Variants in HEPHL1 observed in about 807,000 individuals in gnomAD.
The protein encoded by HEPHL1 is hephaestin like 1.
Under a neutral mutation model 122.0 loss-of-function variants are expected in HEPHL1, and 123 were observed. That is an observed-to-expected ratio of 1.01 (90% CI 0.87 to 1.17). HEPHL1 has a LOEUF of 1.17. HEPHL1 is among the 50% of genes most tolerant of loss of function. HEPHL1 has a pLI of 0.00. For missense variants in HEPHL1, 1,452 were observed against 1,430.5 expected, an observed-to-expected ratio of 1.01 and a Z score of -0.24; for synonymous variants, 527 against 508.9, an observed-to-expected ratio of 1.04 and a Z score of -0.48.
At chr11:94,106,527 C>T (rs555293141) in intron 17 of HEPHL1, among the ~76,000 whole-genome samples, 61 of 152,020 alleles carry the variant, frequency 4.0e-4, no homozygotes, top group African/African-American at 1.4e-3. Flanking sequence ...AATCTCCTGA[C>T]CTCGTGATCT....
chr11:94,099,379 A>C (rs1387871113), intron 13 of HEPHL1, among the ~76,000 whole-genome samples: 1 of 152,172 alleles, frequency 6.6e-6, no homozygotes, highest in Non-Finnish European at 1.5e-5. Flanking sequence ...TGGAAGCTTC[A>C]TCTCAGAGGG....
In HEPHL1 at chr11:94,021,513, A is replaced by G. The variant is rs186547707; in HGVS notation, c.145A>G (p.Thr49Ala). The G allele has an allele frequency of 2.3e-4, 370 of 1,610,392 alleles. 3 individuals are homozygous for G. The African/African-American group carries it at 4.6e-3, about 20-fold the overall frequency. The part of the protein sequence containing the change: ...NYVPQGKNVI[T>A]GKSFTEDKLA... ...TGTACCCCAAGGGAAGAATGTTATT[A>G]CTGGGAAAAGTTTCACAGAAGACAA... Residue 49 changes from threonine (T) to alanine (A), a missense_variant, in exon 1 of 20, where the codon ACT (threonine) becomes GCT (alanine). Thr to Ala is a moderately conservative substitution (Grantham distance 58). Transcript: ENST00000315765.
chr11:94,067,846 C>A (rs10765650), intron 5 of HEPHL1, 96 bp downstream of exon 5: 1 of 1,024,272 alleles, frequency 9.8e-7, no homozygotes, highest in East Asian at 2.6e-5. Context: ...TTAGATAGAG[C>A]CTTGTATGTA....
chr11:94,046,201 TCTC>T (rs1219156137), intron 2 of HEPHL1, among the ~76,000 whole-genome samples: 1 of 146,476 alleles, frequency 6.8e-6, no homozygotes, highest in Non-Finnish European at 1.5e-5. Flanking sequence ...TTCAGGATAT[TCTC>T]CTGCCTCAGC....
intron 1 of HEPHL1, among the ~76,000 whole-genome samples, chr11:94,022,065 C>T (rs1945586403): frequency 6.6e-6 from 1 of 152,164 alleles, no homozygotes; most frequent in African/African-American, 2.4e-5. Flanking sequence ...TTAGAATTAG[C>T]GCTTTCACTG....
At position 94,075,063 on chromosome 11, in the gene HEPHL1, G is replaced by A; in HGVS notation, c.1505-111G>A. The stretch of plus-strand genomic sequence containing the variant: ...TACATAAGAGAAAACCACTCTCCTG[G>A]TACAAAATTCTTCATCATCAGAGGG... On this transcript the variant is annotated intron_variant, in intron 8 of 19. Coordinates refer to ENST00000315765, the MANE Select transcript of HEPHL1 (RefSeq NM_001098672.2). 3 of 833,958 alleles carry A rather than the reference G, an allele frequency of 3.6e-6. No homozygotes were observed. In the South Asian group the frequency reaches 4.9e-5, roughly 14 times the overall value. The allele number at this position is 833,958 out of a possible 1,614,324, so 51.7% of individuals were successfully genotyped here.
At chr11:94,102,024 G>A (rs1376009146) in intron 14 of HEPHL1, among the ~76,000 whole-genome samples, 1 of 152,072 alleles carries the variant, frequency 6.6e-6, no homozygotes, top group East Asian at 1.9e-4. Flanking sequence ...AGTAATTATT[G>A]TCAATCTCTT....
At chr11:94,028,257 T>A (rs910201337) in intron 1 of HEPHL1, among the ~76,000 whole-genome samples, 4 of 152,186 alleles carry the variant, frequency 2.6e-5, no homozygotes, top group African/African-American at 4.8e-5. Flanking sequence ...GATTAATACA[T>A]CTTGGCCCCA....
intron 8 of HEPHL1, among the ~76,000 whole-genome samples, chr11:94,073,934 T>C (rs1336650063): frequency 6.6e-6 from 1 of 152,158 alleles, no homozygotes; most frequent in Non-Finnish European, 1.5e-5. Flanking sequence ...TATCATCTGA[T>C]ATGGCCTCTC....
At chr11:94,070,262 AT>A in intron 5 of HEPHL1, 111 bp from the exon 6 acceptor site, 2 of 1,062,864 alleles carry the variant, frequency 1.9e-6, no homozygotes, top group Non-Finnish European at 2.5e-6. Context: ...TTATGGTCCA[AT>A]TTTCTGTACA....
At chr11:94,034,024 G>T (rs1945700169) in intron 1 of HEPHL1, among the ~76,000 whole-genome samples, 1 of 152,208 alleles carries the variant, frequency 6.6e-6, no homozygotes, top group Non-Finnish European at 1.5e-5. Flanking sequence ...ATGTGCTGAA[G>T]TCTTAAAATG....
chr11:94,084,993 T>C (rs953644079), intron 10 of HEPHL1, among the ~76,000 whole-genome samples: 1 of 152,188 alleles, frequency 6.6e-6, no homozygotes, highest in Non-Finnish European at 1.5e-5. Context: ...CAAAAAGTAA[T>C]TTTATTTGAC....
intron 9 of HEPHL1, 123 bp downstream of exon 9, chr11:94,075,508 G>T: frequency 1.5e-6 from 1 of 672,578 alleles, no homozygotes; most frequent in Non-Finnish European, 2.6e-6. Context: ...TCTTGAAGTA[G>T]ATTTCTACAT....
Position 94,110,909 on chromosome 11 carries a change from A to G in HEPHL1, c.3052A>G (p.Lys1018Glu). The G allele has an allele frequency of 3.7e-6, 6 of 1,611,632 alleles. No individual in the cohort carries two copies. The Middle Eastern group carries it at 5.0e-4, about 133-fold the overall frequency. ...HAESFLFKID[K>E]SYREDVYDLF... ...TTTTAAAACGTTTTTGCAGATAGATAAATCTTACCGAGAAGATGTGTATGA... is the reference window on the plus strand; with the variant it reads ...TTTTAAAACGTTTTTGCAGATAGATGAATCTTACCGAGAAGATGTGTATGA... The change falls in exon 18 of 20, where the codon AAA becomes GAA. Residue 1018 changes from lysine (K) to glutamate (E), a missense_variant. Lys to Glu is a moderately conservative substitution (Grantham distance 56). Coordinates refer to ENST00000315765, the MANE Select transcript of HEPHL1 (RefSeq NM_001098672.2).
chr11:94,074,584 G>A (rs1946104725), intron 8 of HEPHL1, among the ~76,000 whole-genome samples: 1 of 152,090 alleles, frequency 6.6e-6, no homozygotes, highest in Admixed American at 6.6e-5. Flanking sequence ...GCCTTGTCTA[G>A]TAGGAAAGAA....
rs759381621 is a variant in HEPHL1, at chr11:94,112,095, G to A, written c.*201G>A. The A allele has an allele frequency of 2.5e-6, 1 of 401,396 alleles. No homozygotes were observed. The highest frequency in any genetic ancestry group is 4.1e-5 in the Admixed American group (1 of 24,354). 24.9% of individuals were successfully genotyped at this position (401,396 alleles called of 1,614,324 possible). Reference sequence around the variant, plus strand: ...TTAAATGGGCTGCGAATAATCCTCAGGTATAAAACACAGAAAAAGGAGAAT... The same window carrying A: ...TTAAATGGGCTGCGAATAATCCTCAAGTATAAAACACAGAAAAAGGAGAAT... On this transcript the variant is annotated 3_prime_UTR_variant, in exon 20 of 20. Coordinates refer to ENST00000315765, the MANE Select transcript of HEPHL1 (RefSeq NM_001098672.2).
Position 94,070,475 on chromosome 11 carries a change from A to G in HEPHL1, c.1165A>G (p.Ile389Val). 1.2e-6 allele frequency: 2 copies of G among 1,610,906 alleles called. No homozygotes were observed. The highest frequency in any genetic ancestry group is 1.7e-6 in the Non-Finnish European group (2 of 1,178,450). Reference protein sequence around the residue: ...QRRYFIAAEKILWDYAPQGYN... With the variant: ...QRRYFIAAEKVLWDYAPQGYN... ...GCGCTACTTTATAGCAGCTGAAAAAATTCTTTGGGATTATGCTCCTCAAGG... is the reference window on the plus strand; with the variant it reads ...GCGCTACTTTATAGCAGCTGAAAAAGTTCTTTGGGATTATGCTCCTCAAGG... Residue 389 changes from isoleucine (I) to valine (V), a missense_variant, in exon 6 of 20, where the codon ATT (isoleucine) becomes GTT (valine). Ile to Val is a conservative substitution (Grantham distance 29, BLOSUM62 3). Coordinates refer to ENST00000315765, the MANE Select transcript of HEPHL1 (RefSeq NM_001098672.2).
chr11:94,051,992 G>GT, intron 2 of HEPHL1, among the ~76,000 whole-genome samples: 1 of 151,980 alleles, frequency 6.6e-6, no homozygotes, highest in Non-Finnish European at 1.5e-5. Context: ...TGTTCCATTT[G>GT]TCTGTGTGTC....
chr11:94,049,733 A>G (rs1373788847), intron 2 of HEPHL1, among the ~76,000 whole-genome samples: 1 of 152,028 alleles, frequency 6.6e-6, no homozygotes, highest in Non-Finnish European at 1.5e-5. Flanking sequence ...TGTCTTGATT[A>G]CTGTGAAATT....
Sources: gnomAD v4.1 joint callset for allele counts (sites outside exome capture counted in the v4.1 genomes callset) on GRCh38, gnomAD v4.1.1 for gene constraint, MANE v1.5 for transcripts, NCBI Gene and HGNC (gene_info 2026-07-23, HGNC 2026-07-21) for gene names.